Variants in WDFY1 observed in about 807,000 individuals in gnomAD.
WDFY1 encodes WD repeat and FYVE domain-containing protein 1.
In WDFY1, 32 loss-of-function variants were observed where a neutral mutation model predicts 56.4. The observed-to-expected ratio is 0.57, with a 90% CI of 0.43 to 0.76. The LOEUF (loss-of-function observed/expected upper bound fraction) is 0.76, where lower values mean the gene tolerates loss of function less well. WDFY1 is among the 30% of genes least tolerant of loss of function. The pLI is 0.00. For missense variants in WDFY1, 480 were observed against 545.7 expected (o/e 0.88, Z 1.20); for synonymous variants, 192 against 197.3 (o/e 0.97, Z 0.23).
chr2:223,891,980 A>G (rs1693286906), intron 8 of WDFY1, among the ~76,000 whole-genome samples: 1 of 152,062 alleles, frequency 6.6e-6, no homozygotes, highest in South Asian at 2.1e-4. Flanking sequence ...TTATATATAT[A>G]TATACATATT....
chr2:223,898,874 G>T, intron 6 of WDFY1, 84 bp downstream of exon 6: 2 of 998,358 alleles, frequency 2.0e-6, no homozygotes, highest in Non-Finnish European at 3.2e-6. Context: ...GAGGAACACA[G>T]CATTCATGAA....
At chr2:223,943,969 T>C (rs565611337) in intron 1 of WDFY1, among the ~76,000 whole-genome samples, 5 of 152,370 alleles carry the variant, frequency 3.3e-5, no homozygotes, top group Non-Finnish European at 5.9e-5. Flanking sequence ...TCTGTGTGCA[T>C]GCCAATTAAC....
At chr2:223,882,824 C>G (rs1351147037) in intron 9 of WDFY1, among the ~76,000 whole-genome samples, 1 of 152,022 alleles carries the variant, frequency 6.6e-6, no homozygotes. Context: ...ACCTCCCAGA[C>G]TCAAGCGATC....
At chr2:223,895,310 T>C (rs529906488) in intron 7 of WDFY1, among the ~76,000 whole-genome samples, 194 bp downstream of exon 7, 9 of 152,320 alleles carry the variant, frequency 5.9e-5, no homozygotes, top group Non-Finnish European at 1.3e-4. Context: ...TTGTTTGTTT[T>C]GTTTAGTTTT....
At chr2:223,938,222 A>C (rs1311883585) in intron 1 of WDFY1, among the ~76,000 whole-genome samples, 4 of 152,224 alleles carry the variant, frequency 2.6e-5, no homozygotes, top group Admixed American at 6.5e-5. Context: ...CTAATGCAAC[A>C]GTATAAGTAC....
At chr2:223,900,830 C>T (rs980759394) in intron 5 of WDFY1, 14 of 175,128 alleles carry the variant, frequency 8.0e-5, no homozygotes, top group South Asian at 1.6e-4. Flanking sequence ...AACACAAAGA[C>T]ATGAGAGGAA....
chr2:223,880,161 C>A lies in WDFY1; in HGVS notation c.1136G>T (p.Gly379Val). 6.2e-7 allele frequency: 1 copy of A among 1,614,154 alleles called. No individual in the cohort carries two copies. Among genetic ancestry groups the A allele is most frequent in the East Asian group, 2.2e-5 (1 of 44,888 alleles). ...GTCGGTCCCACAGGTCACCATCAGTCCCCTGGCAATGTCCATGGACATGTG... is the reference window on the plus strand; with the variant it reads ...GTCGGTCCCACAGGTCACCATCAGTACCCTGGCAATGTCCATGGACATGTG... ...ISHMSMDIAR[G>V]LMVTCGTDRI... The change falls in exon 11 of 12, where the codon GGA (glycine) becomes GTA (valine). Residue 379 changes from glycine to valine, a missense_variant. Physicochemically the swap from Gly to Val is moderately radical, Grantham distance 109. Coordinates refer to ENST00000233055, the MANE Select transcript of WDFY1 (RefSeq NM_020830.5).
At chr2:223,935,592 G>A (rs1022071590) in intron 1 of WDFY1, among the ~76,000 whole-genome samples, 4 of 152,188 alleles carry the variant, frequency 2.6e-5, no homozygotes, top group Non-Finnish European at 4.4e-5. Flanking sequence ...GCTAAACACA[G>A]CAGAGGAAAT....
chr2:223,881,557 AG>A (rs1166159817), intron 10 of WDFY1, among the ~76,000 whole-genome samples: 1 of 152,220 alleles, frequency 6.6e-6, no homozygotes, highest in Non-Finnish European at 1.5e-5. Context: ...TGAGAGGCCA[AG>A]GTGGGTAGAT....
intron 8 of WDFY1, among the ~76,000 whole-genome samples, chr2:223,885,152 T>C (rs559716891): frequency 6.6e-6 from 1 of 152,180 alleles, no homozygotes; most frequent in Non-Finnish European, 1.5e-5. Flanking sequence ...CGAAATATTC[T>C]AGCTAGTTGT....
At position 223,880,181 on chromosome 2, in the gene WDFY1, C is replaced by T; in HGVS notation, c.1116G>A (p.Met372Ile). 6.2e-7 allele frequency: 1 copy of T among 1,614,118 alleles called. No individual in the cohort carries two copies. Among genetic ancestry groups the T allele is most frequent in the Non-Finnish European group, 8.5e-7 (1 of 1,180,018 alleles). ...TCAGTCCCCTGGCAATGTCCATGGA[C>T]ATGTGGGAAATGTTATGTTTTCCTT... ...FHEGKHNISH[M>I]SMDIARGLMV... is the part of the protein sequence containing the mutation. Residue 372 changes from methionine to isoleucine, a missense_variant, in exon 11 of 12, where the codon ATG becomes ATA. Met to Ile is a conservative substitution (Grantham distance 10). Coordinates refer to ENST00000233055, the MANE Select transcript of WDFY1 (RefSeq NM_020830.5).
At chr2:223,917,610 G>A (rs1409350732) in intron 2 of WDFY1, among the ~76,000 whole-genome samples, 2 of 151,916 alleles carry the variant, frequency 1.3e-5, no homozygotes, top group African/African-American at 4.8e-5. Flanking sequence ...GTCTCGCTCT[G>A]TCGCCCAGGC....
intron 3 of WDFY1, among the ~76,000 whole-genome samples, chr2:223,906,655 G>C (rs1693601946): frequency 6.6e-6 from 1 of 151,950 alleles, no homozygotes; most frequent in Non-Finnish European, 1.5e-5. Flanking sequence ...AAGTAGCTGG[G>C]ATTACAGAAG....
At chr2:223,903,530 AAAAC>A (rs1693541461) in intron 4 of WDFY1, among the ~76,000 whole-genome samples, 1 of 11,918 alleles carries the variant, frequency 8.4e-5, no homozygotes, top group African/African-American at 1.9e-4. Context: ...CTCAAAAAAC[AAAAC>A]AAAACAAAAA....
chr2:223,927,436 T>C (rs1694002351), intron 1 of WDFY1, among the ~76,000 whole-genome samples: 2 of 152,242 alleles, frequency 1.3e-5, no homozygotes, highest in Non-Finnish European at 2.9e-5. Flanking sequence ...TTATGTAGAC[T>C]GCTTCTTTCC....
intron 1 of WDFY1, among the ~76,000 whole-genome samples, chr2:223,930,404 A>C (rs1422416109): frequency 6.6e-6 from 1 of 152,114 alleles, no homozygotes; most frequent in Non-Finnish European, 1.5e-5. Context: ...ATCTCGGCTC[A>C]CTGCAACCTC....
chr2:223,943,198 A>AAAGTCATT (rs1689344380), intron 1 of WDFY1, among the ~76,000 whole-genome samples: 1 of 150,932 alleles, frequency 6.6e-6, no homozygotes, highest in Admixed American at 6.6e-5. Context: ...AAAAAAAAAA[A>AAAGTCATT]AAAGTCATTA....
intron 8 of WDFY1, among the ~76,000 whole-genome samples, chr2:223,890,159 T>C (rs80306174): frequency 6.6e-6 from 1 of 152,180 alleles, no homozygotes; most frequent in African/African-American, 2.4e-5. Flanking sequence ...AGCATGATTC[T>C]GTTTACAGGT....
chr2:223,941,391 T>C (rs1182967650), intron 1 of WDFY1, among the ~76,000 whole-genome samples: 1 of 152,194 alleles, frequency 6.6e-6, no homozygotes, highest in African/African-American at 2.4e-5. Flanking sequence ...CTATGGTTCT[T>C]TCCCTCTTAC....
Sources: gnomAD v4.1 joint callset for allele counts (sites outside exome capture counted in the v4.1 genomes callset) on GRCh38, gnomAD v4.1.1 for gene constraint, MANE v1.5 for transcripts, NCBI Gene and HGNC (gene_info 2026-07-23, HGNC 2026-07-21) for gene names.